Variants in KCNT1 observed in about 807,000 individuals in gnomAD.
KCNT1 encodes potassium sodium-activated channel subfamily T member 1, also known as potassium channel subfamily T member 1.
In KCNT1, 78 loss-of-function variants were observed where a neutral mutation model predicts 147.8. The ratio of observed to expected loss-of-function variants is 0.53; its 90% CI spans 0.44 to 0.64. The LOEUF is 0.64. Ranked by LOEUF, KCNT1 falls within the 30% of genes least tolerant of loss-of-function variation. KCNT1 has a pLI of 0.00. For synonymous variants in KCNT1, 867 were observed against 748.8 expected (o/e 1.16, Z -2.58); for missense variants, 1,419 against 1,750.3 (o/e 0.81, Z 3.38).
At chr9:135,732,549 C>T (rs1440591255) in intron 2 of KCNT1, among the ~76,000 whole-genome samples, 1 of 152,076 alleles carries the variant, frequency 6.6e-6, no homozygotes, top group Admixed American at 6.6e-5. Context: ...GGGCTCTCCG[C>T]TTGCTTCTGG....
intron 28 of KCNT1, 31 bp from the exon 29 acceptor site, chr9:135,786,166 T>TCCCCG: frequency 1.4e-6 from 2 of 1,402,362 alleles, no homozygotes; most frequent in East Asian, 2.4e-5. Flanking sequence ...GCCTCACCCC[T>TCCCCG]CCCCGCCCTG....
At chr9:135,788,286 G>C (rs893648012) in intron 29 of KCNT1, 6 of 835,486 alleles carry the variant, frequency 7.2e-6, no homozygotes, top group East Asian at 2.5e-5. Flanking sequence ...CACGTCCCAG[G>C]TGTCAGCCCA....
chr9:135,779,237 A>C (rs1588386893), intron 23 of KCNT1, 122 bp from the exon 24 acceptor site: 8 of 399,456 alleles, frequency 2.0e-5, no homozygotes, highest in South Asian at 4.1e-5. Flanking sequence ...CCCTGCCCTG[A>C]GACCCCCCCA....
At chr9:135,710,825 C>T (rs1421759205) in intron 1 of KCNT1, among the ~76,000 whole-genome samples, 1 of 152,154 alleles carries the variant, frequency 6.6e-6, no homozygotes, top group African/African-American at 2.4e-5. Context: ...GGCGGCGATT[C>T]CCTTTACCCG....
intron 13 of KCNT1, 54 bp downstream of exon 13, chr9:135,765,814 C>A: frequency 6.7e-7 from 1 of 1,496,272 alleles, no homozygotes; most frequent in Non-Finnish European, 9.1e-7. Flanking sequence ...TGAGTCAGGT[C>A]GGCTGCTCAG....
intron 1 of KCNT1, among the ~76,000 whole-genome samples, chr9:135,708,883 T>C (rs1835361725): frequency 6.6e-6 from 1 of 152,172 alleles, no homozygotes; most frequent in Non-Finnish European, 1.5e-5. Flanking sequence ...GGAAAGGACA[T>C]TTTATCCAGG....
At chr9:135,762,261 T>C (rs1390628322) in intron 11 of KCNT1, among the ~76,000 whole-genome samples, 1 of 152,094 alleles carries the variant, frequency 6.6e-6, no homozygotes, top group East Asian at 1.9e-4. Flanking sequence ...TTGAGCAACG[T>C]AGAGAGACTC....
At chr9:135,753,899 A>G in intron 4 of KCNT1, 38 bp from the exon 5 acceptor site, 4 of 1,612,518 alleles carry the variant, frequency 2.5e-6, no homozygotes, top group Non-Finnish European at 3.4e-6. Flanking sequence ...GTGGTGCTAG[A>G]GGGGCCAGGG....
rs565330402 is a variant in KCNT1, at chr9:135,749,311, C to T, written c.255-787C>T. On this transcript the variant is annotated intron_variant, in intron 2 of 30. Coordinates refer to ENST00000371757, the MANE Select transcript of KCNT1 (RefSeq NM_020822.3). ...TGAGCCACGCAATCTCCCCACCCCACCTCACCCCACCTGCCACCCCCGGCA... is the reference window on the plus strand; with the variant it reads ...TGAGCCACGCAATCTCCCCACCCCATCTCACCCCACCTGCCACCCCCGGCA... Among the ~76,000 whole-genome samples, 12 of 152,306 alleles carry T rather than the reference C, an allele frequency of 7.9e-5. No homozygotes were observed. The South Asian group carries it at 2.3e-3, about 29-fold the overall frequency.
intron 2 of KCNT1, among the ~76,000 whole-genome samples, chr9:135,735,230 T>G (rs1830286387): frequency 6.6e-6 from 1 of 152,210 alleles, no homozygotes; most frequent in East Asian, 1.9e-4. Flanking sequence ...CAGGGGATTT[T>G]CCTTACTCAG....
At chr9:135,724,064 C>G (rs1836030843) in intron 2 of KCNT1, among the ~76,000 whole-genome samples, 1 of 152,218 alleles carries the variant, frequency 6.6e-6, no homozygotes, top group Admixed American at 6.5e-5. Context: ...CTCCTGCTTT[C>G]CCCTCTGAAT....
chr9:135,713,625 C>T (rs922675296), intron 1 of KCNT1, among the ~76,000 whole-genome samples: 2 of 152,206 alleles, frequency 1.3e-5, no homozygotes, highest in African/African-American at 2.4e-5. Context: ...GCCTCCTGCC[C>T]CTGCCCGTGG....
At chr9:135,782,168 C>T (rs914282669) in intron 24 of KCNT1, among the ~76,000 whole-genome samples, 3 of 152,200 alleles carry the variant, frequency 2.0e-5, no homozygotes, top group Non-Finnish European at 4.4e-5. Flanking sequence ...TGTGCCACTG[C>T]ACTCCAGGCT....
At chr9:135,759,472 C>G (rs1336624234) in intron 10 of KCNT1, among the ~76,000 whole-genome samples, 2 of 152,240 alleles carry the variant, frequency 1.3e-5, no homozygotes, top group Non-Finnish European at 2.9e-5. Context: ...CAGCGTCAGG[C>G]AGGAGGTGGC....
rs898200935 is a variant in KCNT1 at position 135,730,378 on chromosome 9, G to A, written c.254+15658G>A. On this transcript the variant is annotated intron_variant, in intron 2 of 30. Coordinates refer to ENST00000371757, the MANE Select transcript of KCNT1 (RefSeq NM_020822.3). This position sits in a 1 kb window ranked among gnomAD's most constrained non-coding sequence, Gnocchi z 4.7. ...CCATGCGTGGCGAGGGGGACCACAC[G>A]TGGTGAGGGGGATTAGCAGATATGA... 2.0e-5 allele frequency among the ~76,000 whole-genome samples: 3 copies of A among 152,200 alleles called. No homozygotes were observed. Among genetic ancestry groups the A allele is most frequent in the East Asian group, 1.9e-4 (1 of 5,200 alleles).
intron 21 of KCNT1, among the ~76,000 whole-genome samples, chr9:135,777,879 T>G (rs1430200774): frequency 6.8e-6 from 1 of 146,344 alleles, no homozygotes; most frequent in Admixed American, 6.7e-5. Flanking sequence ...CACTCCCAGC[T>G]TCTCCCCACT....
chr9:135,772,857 C>A lies in KCNT1; in HGVS notation c.2151C>A (p.Ala717=), dbSNP rs758589013. Residue 717 remains alanine (A), a synonymous_variant, in exon 19 of 31, where the codon GCC becomes GCA. Coordinates refer to ENST00000371757, the MANE Select transcript of KCNT1 (RefSeq NM_020822.3). ...RPSIAPVLEL[A]DSSALLPCDL... ...GCATCGCGCCCGTCCTGGAACTGGC[C>A]GACAGCTCAGCCCTGCTGCCCTGCG... 1.9e-6 allele frequency: 3 copies of A among 1,548,602 alleles called. No individual in the cohort carries two copies. The East Asian group carries it at 7.3e-5, about 38-fold the overall frequency.
intron 11 of KCNT1, among the ~76,000 whole-genome samples, chr9:135,760,726 C>T (rs1054495121): frequency 1.9e-4 from 29 of 152,354 alleles, no homozygotes; most frequent in African/African-American, 6.7e-4. Flanking sequence ...AAAGCTGTGG[C>T]ACCAGCTGTA....
Position 135,769,990 on chromosome 9 carries a change from G to A in KCNT1, c.1554G>A (p.Ala518=), listed in dbSNP as rs756721305. ...AGGAGTGCAAGTACGCCATGCTGGC[G>A]CTGAACTGCATCTGCCCGGCGACCT... is the stretch of plus-strand genomic sequence containing the variant. ...CEEECKYAML[A]LNCICPATST... Residue 518 remains alanine (A), a synonymous_variant, in exon 16 of 31, where the codon GCG becomes GCA. Transcript: ENST00000371757. The A allele has an allele frequency of 1.7e-5, 27 of 1,557,312 alleles. No homozygotes were observed. The highest frequency in any genetic ancestry group is 2.4e-5 in the South Asian group (2 of 84,410).
Sources: allele counts gnomAD v4.1 joint callset (sites outside exome capture counted in the v4.1 genomes callset), GRCh38; gene constraint gnomAD v4.1.1; non-coding constraint Gnocchi (gnomAD v3.1); transcripts MANE v1.5; gene names NCBI Gene and HGNC (gene_info 2026-07-23, HGNC 2026-07-21).